Variants in GNB1L observed in about 807,000 individuals in gnomAD.
GNB1L encodes G protein subunit beta 1 like.
In GNB1L, 20 loss-of-function variants were observed where a neutral mutation model predicts 29.1. The ratio of observed to expected loss-of-function variants is 0.69; its 90% CI spans 0.48 to 1.00. GNB1L has a LOEUF of 1.00. GNB1L is among the 50% of genes least tolerant of loss of function. The pLI is 0.00. For missense variants in GNB1L, 421 were observed against 464.9 expected (o/e 0.91, Z 0.87); for synonymous variants, 193 against 206.5 (o/e 0.93, Z 0.56).
chr22:19,833,519 C>T (rs11914260), intron 2 of GNB1L, among the ~76,000 whole-genome samples: 40,733 of 151,836 alleles, frequency 0.27, 5,554 homozygotes, highest in East Asian at 0.33. Context: ...GAGCTATGAT[C>T]GTGCCACCGT....
chr22:19,788,362 G>A lies in GNB1L; in HGVS notation c.*347C>T. On this transcript the variant is annotated 3_prime_UTR_variant, in exon 8 of 8. Transcript: ENST00000329517. ...CTGGTGGGGGTCTGAGGGCACTGAT[G>A]CTAAGTGGGGGACCAGGGCCTCCTC... is the stretch of plus-strand genomic sequence containing the variant. 1 of 579,810 alleles carries A rather than the reference G, an allele frequency of 1.7e-6. No homozygotes were observed. Among genetic ancestry groups the A allele is most frequent in the Non-Finnish European group, 3.1e-6 (1 of 325,898 alleles). The allele number at this position is 579,810 out of a possible 1,614,324, so 35.9% of individuals were successfully genotyped here. A position where few individuals can be genotyped will look rare whatever the true frequency, so the allele number is the denominator to read the frequency against.
At chr22:19,848,911 A>G in intron 2 of GNB1L, 1 of 985,116 alleles carries the variant, frequency 1.0e-6, no homozygotes, top group Non-Finnish European at 1.2e-6. Context: ...CAGCTGGGTG[A>G]CTAGGCTGTC....
At chr22:19,811,822 GC>G (rs1159746425) in intron 5 of GNB1L, among the ~76,000 whole-genome samples, 1 of 151,908 alleles carries the variant, frequency 6.6e-6, no homozygotes, top group Non-Finnish European at 1.5e-5. Context: ...CCCTGGGTCA[GC>G]CCTCCCCAGG....
At position 19,851,085 on chromosome 22, in the gene GNB1L, C is replaced by T. The variant is rs1166473351; in HGVS notation, c.-21+3358G>A. ...GAAGTCATCTGGGGACACCACTCTG[C>T]TCTGACTGGGGACTATGGGGCGCTC... On this transcript the variant is annotated intron_variant, in intron 2 of 7. Coordinates refer to ENST00000329517, the MANE Select transcript of GNB1L (RefSeq NM_053004.3). 2.7e-6 allele frequency: 4 copies of T among 1,483,646 alleles called. No individual in the cohort carries two copies. The African/African-American group carries it at 5.6e-5, about 21-fold the overall frequency. 91.9% of individuals were successfully genotyped at this position (1,483,646 alleles called of 1,614,324 possible).
chr22:19,831,334 C>T (rs1244715432), intron 2 of GNB1L, among the ~76,000 whole-genome samples: 1 of 148,586 alleles, frequency 6.7e-6, no homozygotes, highest in African/African-American at 2.5e-5. Flanking sequence ...CATTGCACTC[C>T]AGTCTGGGTG....
intron 5 of GNB1L, among the ~76,000 whole-genome samples, chr22:19,811,945 T>C (rs1937505658): frequency 6.6e-6 from 1 of 151,990 alleles, no homozygotes; most frequent in Admixed American, 6.5e-5. Context: ...GTCTCTCCCC[T>C]GCCGTTCCTG....
intron 2 of GNB1L, among the ~76,000 whole-genome samples, chr22:19,854,122 C>G (rs1023534197): frequency 1.3e-5 from 2 of 152,222 alleles, no homozygotes; most frequent in African/African-American, 4.8e-5. Flanking sequence ...AGCCCTCCCA[C>G]GCCTATCAGT....
In GNB1L at chr22:19,791,903, G is replaced by A. The variant is rs114099497; in HGVS notation, c.733-2943C>T. 2.4e-3 allele frequency among the ~76,000 whole-genome samples: 358 copies of A among 152,306 alleles called. 2 individuals carry two copies. The highest frequency in any genetic ancestry group is 8.2e-3 in the African/African-American group (339 of 41,560). Reference sequence around the variant, plus strand: ...CCTGAAAAGGTCTGCAGGAGAGGCAGAGTTTGGAAGTTGAGGTCCACCCCA... The same window carrying A: ...CCTGAAAAGGTCTGCAGGAGAGGCAAAGTTTGGAAGTTGAGGTCCACCCCA... On this transcript the variant is annotated intron_variant, in intron 7 of 7. Coordinates refer to ENST00000329517, the MANE Select transcript of GNB1L (RefSeq NM_053004.3).
chr22:19,850,713 G>A (rs1409264268), intron 2 of GNB1L: 2 of 1,236,016 alleles, frequency 1.6e-6, no homozygotes, highest in Non-Finnish European at 2.0e-6. Flanking sequence ...GGTGGGGCTA[G>A]GGGGACAGAC....
chr22:19,841,173 G>T (rs747178212), intron 2 of GNB1L, among the ~76,000 whole-genome samples: 1 of 152,182 alleles, frequency 6.6e-6, no homozygotes, highest in Non-Finnish European at 1.5e-5. Flanking sequence ...TTAGTCATGC[G>T]CAGAGCAAGA....
In GNB1L at chr22:19,783,361, AG is replaced by A. The variant is rs1937160629; in HGVS notation, c.*5347del. On this transcript the variant is annotated 3_prime_UTR_variant, in exon 8 of 8. Transcript: ENST00000329517. ...GTCAAGTGTGCATGCAAGAGGTGGCAGGGGACAGATGTGCTGCTGTTCCCAG... is the reference window on the plus strand; with the variant it reads ...GTCAAGTGTGCATGCAAGAGGTGGCAGGGACAGATGTGCTGCTGTTCCCAG... 1 of 363,756 alleles carries A rather than the reference AG, an allele frequency of 2.7e-6. No individual in the cohort carries two copies. The highest frequency in any genetic ancestry group is 2.2e-5 in the South Asian group (1 of 45,734). The allele number at this position is 363,756 out of a possible 1,614,324, so 22.5% of individuals were successfully genotyped here.
chr22:19,818,948 T>C (rs1395289806), intron 4 of GNB1L, among the ~76,000 whole-genome samples: 1 of 152,016 alleles, frequency 6.6e-6, no homozygotes, highest in Non-Finnish European at 1.5e-5. Context: ...TCCCTCCCAC[T>C]CCCCATGGGA....
intron 2 of GNB1L, among the ~76,000 whole-genome samples, chr22:19,823,530 G>A (rs1181174700): frequency 6.6e-6 from 1 of 152,188 alleles, no homozygotes; most frequent in Non-Finnish European, 1.5e-5. Flanking sequence ...GCTCCAAGAG[G>A]AGCCAAAGAA....
At position 19,851,929 on chromosome 22, in the gene GNB1L, C is replaced by T. The variant is rs756600180; in HGVS notation, c.-21+2514G>A. The T allele has an allele frequency of 2.5e-5, 40 of 1,613,998 alleles. No homozygotes were observed. In the Admixed American group the frequency reaches 4.5e-4, roughly 18 times the overall value. ...GGGCCAAGAAGCGGTCCAGTAGCCA[C>T]GGGGAGCCATCAAAGGTGCCTGGGT... is the stretch of plus-strand genomic sequence containing the variant. On this transcript the variant is annotated intron_variant, in intron 2 of 7. Coordinates refer to ENST00000329517, the MANE Select transcript of GNB1L (RefSeq NM_053004.3).
intron 2 of GNB1L, chr22:19,852,177 G>C: frequency 6.2e-7 from 1 of 1,614,018 alleles, no homozygotes; most frequent in Non-Finnish European, 8.5e-7. Flanking sequence ...TTGTCCATCT[G>C]CTGCCATGGA....
intron 2 of GNB1L, among the ~76,000 whole-genome samples, chr22:19,833,969 T>C (rs1405269541): frequency 1.3e-5 from 2 of 151,298 alleles, no homozygotes; most frequent in African/African-American, 4.8e-5. Flanking sequence ...AGAAAAAAGA[T>C]TGAAATAAGT....
intron 7 of GNB1L, among the ~76,000 whole-genome samples, chr22:19,793,925 A>C (rs1937278563): frequency 6.6e-6 from 1 of 152,244 alleles, no homozygotes; most frequent in Non-Finnish European, 1.5e-5. Context: ...TGAGCACCAG[A>C]AATGGCAAAG....
chr22:19,847,735 A>G (rs1197756215), intron 2 of GNB1L: 2 of 980,518 alleles, frequency 2.0e-6, no homozygotes, highest in Non-Finnish European at 2.4e-6. Flanking sequence ...CAACAGTATG[A>G]GAAGGTCCAC....
Position 19,822,684 on chromosome 22 carries a change from C to T in GNB1L, c.-20-1309G>A, listed in dbSNP as rs566082764. The stretch of plus-strand genomic sequence containing the variant: ...CACACAAGGCAGGGAGGATGGCCCA[C>T]GGCAGCCACAGCCAGCAGAGGGACT... On this transcript the variant is annotated intron_variant, in intron 2 of 7. Coordinates refer to ENST00000329517, the MANE Select transcript of GNB1L (RefSeq NM_053004.3). 7.9e-5 allele frequency among the ~76,000 whole-genome samples: 12 copies of T among 152,322 alleles called. No individual in the cohort carries two copies. In the East Asian group the frequency reaches 1.2e-3, roughly 15 times the overall value.
Sources: gnomAD v4.1 joint callset for allele counts (sites outside exome capture counted in the v4.1 genomes callset) on GRCh38, gnomAD v4.1.1 for gene constraint, MANE v1.5 for transcripts, NCBI Gene and HGNC (gene_info 2026-07-23, HGNC 2026-07-21) for gene names.